KCNB2: variants seen among roughly 807,000 people sequenced by gnomAD.
KCNB2 encodes delayed rectifier potassium channel protein.
A neutral mutation model predicts 61.5 loss-of-function variants in KCNB2; 15 were observed. The ratio of observed to expected loss-of-function variants is 0.24; its 90% CI spans 0.16 to 0.38. The LOEUF is 0.38. KCNB2 is among the 10% of genes least tolerant of loss of function. The pLI, the probability that KCNB2 is intolerant of heterozygous loss-of-function variation, is 1.00. For synonymous variants in KCNB2, 457 were observed against 446.0 expected (o/e 1.02, Z -0.31); for missense variants, 828 against 1,125.2 (o/e 0.74, Z 3.78).
intron 2 of KCNB2, among the ~76,000 whole-genome samples, chr8:72,587,758 G>T (rs1396685574): frequency 6.6e-6 from 1 of 151,840 alleles, no homozygotes; most frequent in Non-Finnish European, 1.5e-5. Context: ...GGAAAGAAAA[G>T]GAAATGTAAA....
intron 1 of KCNB2, among the ~76,000 whole-genome samples, chr8:72,562,992 G>A (rs1413542319): frequency 6.6e-6 from 1 of 152,118 alleles, no homozygotes; most frequent in Non-Finnish European, 1.5e-5. Flanking sequence ...AAAATGAAAA[G>A]TTAAAGGATA....
chr8:72,561,749 A>G (rs1384730138), intron 1 of KCNB2, among the ~76,000 whole-genome samples: 600 of 27,948 alleles, frequency 0.021, 63 homozygotes, highest in African/African-American at 0.04. Context: ...ATATATATGT[A>G]TATATATATA....
chr8:72,691,361 C>T (rs1806937853), intron 2 of KCNB2, among the ~76,000 whole-genome samples: 1 of 152,198 alleles, frequency 6.6e-6, no homozygotes, highest in African/African-American at 2.4e-5. Flanking sequence ...AAAGAAAAGT[C>T]TTACGTACTT....
intron 2 of KCNB2, among the ~76,000 whole-genome samples, chr8:72,850,583 T>C (rs1226962789): frequency 6.6e-6 from 1 of 152,214 alleles, no homozygotes; most frequent in Non-Finnish European, 1.5e-5. Context: ...TGAGTAATTA[T>C]GGTGAACAAC....
chr8:72,739,918 G>A (rs1284917589), intron 2 of KCNB2, among the ~76,000 whole-genome samples: 1 of 152,058 alleles, frequency 6.6e-6, no homozygotes, highest in Non-Finnish European at 1.5e-5. Context: ...GTACAATACT[G>A]TACACAAAAC....
chr8:72,870,358 C>T (rs1053984694), intron 2 of KCNB2, among the ~76,000 whole-genome samples: 1 of 151,932 alleles, frequency 6.6e-6, no homozygotes, highest in Admixed American at 6.6e-5. Flanking sequence ...AGTAAAAATA[C>T]ATTTTAAAAA....
At chr8:72,599,293 C>T (rs771473424) in intron 2 of KCNB2, among the ~76,000 whole-genome samples, 8 of 152,046 alleles carry the variant, frequency 5.3e-5, no homozygotes, top group Non-Finnish European at 7.4e-5. Flanking sequence ...GAAATAATGC[C>T]GCATATCTAC....
At chr8:72,685,944 G>A (rs952481986) in intron 2 of KCNB2, among the ~76,000 whole-genome samples, 3 of 152,104 alleles carry the variant, frequency 2.0e-5, no homozygotes, top group Non-Finnish European at 2.9e-5. Context: ...AGCCGAGATC[G>A]CGCCATTGCA....
intron 1 of KCNB2, among the ~76,000 whole-genome samples, chr8:72,549,498 A>G (rs1280121517): frequency 6.6e-6 from 1 of 152,198 alleles, no homozygotes; most frequent in African/African-American, 2.4e-5. Flanking sequence ...AACTAGTCAG[A>G]TACCACTCTA....
Position 72,865,442 on chromosome 8 carries a change from A to T in KCNB2, c.580-70493A>T, listed in dbSNP as rs995018099. ...CTGAAAAAAGTCCCCTGGAACTCCA[A>T]GGACATATTTTGTTTGGCCGATTTC... On this transcript the variant is annotated intron_variant, in intron 2 of 2. Transcript: ENST00000523207. 3.3e-5 allele frequency among the ~76,000 whole-genome samples: 5 copies of T among 152,116 alleles called. No homozygotes were observed. In the South Asian group the frequency reaches 8.3e-4, roughly 25 times the overall value.
rs145322854 is a variant in KCNB2 at position 72,821,494 on chromosome 8, G to T, written c.580-114441G>T. Among the ~76,000 whole-genome samples the T allele has an allele frequency of 6.4e-3, 967 of 152,064 alleles. 6 individuals are homozygous for T. The highest frequency in any genetic ancestry group is 0.023 in the South Asian group (110 of 4,810). ...ACCTCCGTTTCCACTATGAAGTAGGGATAATAATAGCTATGTAATGGAGTT... is the reference window on the plus strand; with the variant it reads ...ACCTCCGTTTCCACTATGAAGTAGGTATAATAATAGCTATGTAATGGAGTT... On this transcript the variant is annotated intron_variant, in intron 2 of 2. Transcript: ENST00000523207.
At chr8:72,703,466 T>A (rs1183088616) in intron 2 of KCNB2, among the ~76,000 whole-genome samples, 1 of 152,178 alleles carries the variant, frequency 6.6e-6, no homozygotes, top group Non-Finnish European at 1.5e-5. Context: ...TTCACAATTG[T>A]CAGCAGTTGG....
intron 2 of KCNB2, among the ~76,000 whole-genome samples, chr8:72,674,644 T>C (rs566128755): frequency 1.3e-5 from 2 of 152,354 alleles, no homozygotes; most frequent in South Asian, 2.1e-4. Flanking sequence ...TCACTAGCAA[T>C]AGATACATGC....
At chr8:72,823,493 G>A (rs62520261) in intron 2 of KCNB2, among the ~76,000 whole-genome samples, 1 of 152,158 alleles carries the variant, frequency 6.6e-6, no homozygotes, top group African/African-American at 2.4e-5. Flanking sequence ...TCTGAGTTCA[G>A]TCAAACTGGG....
At chr8:72,931,712 G>T (rs1219338795) in intron 2 of KCNB2, among the ~76,000 whole-genome samples, 1 of 152,092 alleles carries the variant, frequency 6.6e-6, no homozygotes, top group Admixed American at 6.6e-5. Context: ...AGGTGAAAGG[G>T]ATTAAAAACC....
At chr8:72,635,032 C>T (rs555833853) in intron 2 of KCNB2, among the ~76,000 whole-genome samples, 1 of 152,276 alleles carries the variant, frequency 6.6e-6, no homozygotes, top group Non-Finnish European at 1.5e-5. Context: ...TGTGTAACTG[C>T]CAGCAGGTGT....
intron 2 of KCNB2, among the ~76,000 whole-genome samples, chr8:72,647,191 A>C (rs1234828755): frequency 6.6e-6 from 1 of 152,066 alleles, no homozygotes. Flanking sequence ...GGCAAAGCAA[A>C]CTCTGTTACA....
At chr8:72,709,057 T>A (rs1807280956) in intron 2 of KCNB2, among the ~76,000 whole-genome samples, 2 of 152,292 alleles carry the variant, frequency 1.3e-5, no homozygotes, top group South Asian at 4.1e-4. Context: ...AAGAGACACA[T>A]CGTTCACCCT....
At chr8:72,924,243 C>T (rs1368133201) in intron 2 of KCNB2, among the ~76,000 whole-genome samples, 1 of 151,994 alleles carries the variant, frequency 6.6e-6, no homozygotes, top group Non-Finnish European at 1.5e-5. Flanking sequence ...CTAATTACAC[C>T]CACCCATCCC....
Sources: gnomAD v4.1 joint callset for allele counts (sites outside exome capture counted in the v4.1 genomes callset) on GRCh38, gnomAD v4.1.1 for gene constraint, MANE v1.5 for transcripts, NCBI Gene and HGNC (gene_info 2026-07-23, HGNC 2026-07-21) for gene names.